The following TRPS1 variants were observed in gnomAD, a reference collection of about 807,000 sequenced individuals.
The protein encoded by TRPS1 is zinc finger transcription factor Trps1.
A neutral mutation model predicts 101.2 loss-of-function variants in TRPS1; 6 were observed. The observed-to-expected ratio is 0.06, with a 90% confidence interval of 0.03 to 0.12. The LOEUF is 0.12. TRPS1 is among the 10% of genes least tolerant of loss of function. TRPS1 has a pLI of 1.00. For synonymous variants in TRPS1, 578 were observed against 589.8 expected, an observed-to-expected ratio of 0.98 and a Z score of 0.29; for missense variants, 1,363 against 1,567.0, an observed-to-expected ratio of 0.87 and a Z score of 2.20.
chr8:115,664,520 G>A (rs1325094659), intron 1 of TRPS1, among the ~76,000 whole-genome samples: 3 of 152,060 alleles, frequency 2.0e-5, no homozygotes, highest in African/African-American at 7.2e-5. Context: ...GCAAGTCTAC[G>A]TATGCTGTCA....
intron 5 of TRPS1, among the ~76,000 whole-genome samples, chr8:115,537,017 T>A (rs1156987936): frequency 2.6e-5 from 4 of 152,082 alleles, no homozygotes; most frequent in Admixed American, 2.6e-4. Context: ...ATGAATAAAA[T>A]GCTGTTACAG....
chr8:115,548,314 A>AT (rs1416848146), intron 5 of TRPS1, among the ~76,000 whole-genome samples: 1 of 151,960 alleles, frequency 6.6e-6, no homozygotes, highest in Non-Finnish European at 1.5e-5. Context: ...AACAACATTC[A>AT]TTTTTTTGTT....
intron 5 of TRPS1, among the ~76,000 whole-genome samples, chr8:115,494,727 T>A (rs1815107495): frequency 2.6e-5 from 4 of 152,174 alleles, no homozygotes; most frequent in Admixed American, 2.0e-4. Flanking sequence ...CATTTTAACC[T>A]CTTGATGAAT....
intron 5 of TRPS1, among the ~76,000 whole-genome samples, chr8:115,477,438 T>C (rs1212985022): frequency 6.6e-6 from 1 of 152,222 alleles, no homozygotes; most frequent in African/African-American, 2.4e-5. Context: ...TGCTCCTGTA[T>C]CTTTACCTTC....
rs575034987 is a variant in TRPS1, at chr8:115,530,060, G to A, written c.2700+56941C>T. Among the ~76,000 whole-genome samples, 6 of 152,158 alleles carry A rather than the reference G, an allele frequency of 3.9e-5. No homozygotes were observed. The South Asian group carries it at 8.3e-4, about 21-fold the overall frequency. The stretch of plus-strand genomic sequence containing the variant: ...TCCTATATTTTCCTCCCAATCTGAA[G>A]AACTTAATAATTTTTTTAAAAAAGT... On this transcript the variant is annotated intron_variant, in intron 5 of 6. Transcript: ENST00000395715.
intron 5 of TRPS1, among the ~76,000 whole-genome samples, chr8:115,585,858 C>T (rs1817550335): frequency 6.6e-6 from 1 of 152,150 alleles, no homozygotes; most frequent in Admixed American, 6.5e-5. Flanking sequence ...GATGGGAAAG[C>T]TAACAGCTTC....
chr8:115,649,943 A>G lies in TRPS1; in HGVS notation c.-122+18602T>C, dbSNP rs547673329. 5.1e-4 allele frequency among the ~76,000 whole-genome samples: 78 copies of G among 152,324 alleles called. 1 individual carries two copies. The South Asian group carries it at 0.015, about 30-fold the overall frequency. ...CACTCCTACATACAGTCTGATAAGG[A>G]ACATTTTAATGGAGCCAAAACATCC... On this transcript the variant is annotated intron_variant, in intron 1 of 6. Transcript: ENST00000395715.
intron 1 of TRPS1, chr8:115,668,116 C>T (rs933183481): frequency 5.0e-6 from 3 of 599,680 alleles, no homozygotes; most frequent in South Asian, 3.9e-5. Flanking sequence ...TCCTCCTCCC[C>T]GGCGGCTGAA....
In TRPS1 at chr8:115,604,339, G is replaced by T. The variant is rs886040971; in HGVS notation, c.1630C>A (p.Arg544=). The T allele has an allele frequency of 2.5e-6, 4 of 1,613,848 alleles. No individual in the cohort carries two copies. In the East Asian group the frequency reaches 6.7e-5, roughly 27 times the overall value. Residue 544 remains arginine (R), a synonymous_variant, in exon 4 of 7, where the codon CGA becomes AGA. Transcript: ENST00000395715. This position sits in a 1 kb window ranked among gnomAD's most constrained non-coding sequence, Gnocchi z 4.1. ...TCAGGGCCATGGCTTTTGGAATATC[G>T]GAAGTCACAGAACTGACAATTATAG... ...TSYNCQFCDF[R]YSKSHGPDVI...
intron 5 of TRPS1, among the ~76,000 whole-genome samples, chr8:115,533,379 A>C (rs1006242796): frequency 6.8e-6 from 1 of 146,886 alleles, no homozygotes; most frequent in Non-Finnish European, 1.5e-5. Context: ...ACCTATATGA[A>C]CTTTCTGATT....
intron 5 of TRPS1, among the ~76,000 whole-genome samples, chr8:115,435,795 T>C (rs1289550975): frequency 6.6e-6 from 1 of 152,188 alleles, no homozygotes; most frequent in African/African-American, 2.4e-5. Flanking sequence ...AGTTCTGGTA[T>C]GTTTATTTAT....
At chr8:115,565,809 A>G (rs534297703) in intron 5 of TRPS1, among the ~76,000 whole-genome samples, 1 of 152,236 alleles carries the variant, frequency 6.6e-6, no homozygotes, top group South Asian at 2.1e-4. Context: ...CAACTAAAAT[A>G]AATATTTACT....
At chr8:115,525,610 T>C (rs572829078) in intron 5 of TRPS1, among the ~76,000 whole-genome samples, 1 of 152,266 alleles carries the variant, frequency 6.6e-6, no homozygotes, top group African/African-American at 2.4e-5. Flanking sequence ...ATAGTGTTGA[T>C]TTTCATTAAC....
intron 5 of TRPS1, among the ~76,000 whole-genome samples, chr8:115,449,471 A>G (rs1454798283): frequency 6.6e-6 from 1 of 152,234 alleles, no homozygotes; most frequent in Non-Finnish European, 1.5e-5. Context: ...AGCATGGCAC[A>G]CACACAGGAG....
At chr8:115,506,848 T>G (rs1384812) in intron 5 of TRPS1, among the ~76,000 whole-genome samples, 103,744 of 152,032 alleles carry the variant, frequency 0.68, 36,970 homozygotes, top group African/African-American at 0.89. Context: ...ATTAACACAA[T>G]TCACAAAATA....
At chr8:115,540,239 T>G (rs1039884538) in intron 5 of TRPS1, among the ~76,000 whole-genome samples, 2 of 152,158 alleles carry the variant, frequency 1.3e-5, no homozygotes, top group Admixed American at 1.3e-4. Flanking sequence ...AATGTTATAG[T>G]GAAATCAGAA....
intron 5 of TRPS1, among the ~76,000 whole-genome samples, chr8:115,534,022 C>G (rs1167870423): frequency 1.3e-5 from 2 of 152,186 alleles, no homozygotes; most frequent in Non-Finnish European, 2.9e-5. Flanking sequence ...AATACCATCA[C>G]ACTGGAGATT....
At chr8:115,506,956 A>G (rs1329985182) in intron 5 of TRPS1, among the ~76,000 whole-genome samples, 1 of 152,152 alleles carries the variant, frequency 6.6e-6, no homozygotes, top group African/African-American at 2.4e-5. Context: ...ATTCATTTTC[A>G]GTTTTTAAAA....
intron 5 of TRPS1, among the ~76,000 whole-genome samples, chr8:115,485,932 C>G (rs1814867760): frequency 6.6e-6 from 1 of 152,194 alleles, no homozygotes; most frequent in South Asian, 2.1e-4. Context: ...AGAAATTAGT[C>G]ATGTCACATT....
Sources: allele counts gnomAD v4.1 joint callset (sites outside exome capture counted in the v4.1 genomes callset), GRCh38; gene constraint gnomAD v4.1.1; non-coding constraint Gnocchi (gnomAD v3.1); transcripts MANE v1.5; gene names NCBI Gene and HGNC (gene_info 2026-07-23, HGNC 2026-07-21).